Variants in SFRP1 observed in about 807,000 individuals in gnomAD.
SFRP1 encodes the protein secreted frizzled related protein 1.
A neutral mutation model predicts 25.9 loss-of-function variants in SFRP1; 9 were observed. The observed-to-expected ratio is 0.35, with a 90% CI of 0.21 to 0.61. SFRP1 has a LOEUF of 0.61. Ranked by LOEUF, SFRP1 falls within the 20% of genes least tolerant of loss-of-function variation. The pLI is 0.78. For missense variants in SFRP1, 346 were observed against 418.2 expected (o/e 0.83, Z 1.51); for synonymous variants, 178 against 174.0 (o/e 1.02, Z -0.18).
chr8:41,289,977 T>C (rs1210667617), intron 2 of SFRP1, among the ~76,000 whole-genome samples: 1 of 152,152 alleles, frequency 6.6e-6, no homozygotes, highest in Non-Finnish European at 1.5e-5. Context: ...CCAGGCCAGC[T>C]GGAAAAGGCA....
chr8:41,280,021 C>T (rs866631410), intron 2 of SFRP1, among the ~76,000 whole-genome samples: 1 of 152,216 alleles, frequency 6.6e-6, no homozygotes, highest in African/African-American at 2.4e-5. Flanking sequence ...GACAGAGGGG[C>T]CCTGGTGGCC....
In SFRP1 at chr8:41,295,071, C is replaced by T. The variant is rs564373257; in HGVS notation, c.622+8390G>A. Among the ~76,000 whole-genome samples, 5 of 152,242 alleles carry T rather than the reference C, an allele frequency of 3.3e-5. No individual in the cohort carries two copies. The East Asian group carries it at 9.6e-4, about 29-fold the overall frequency. ...GTCTCCCTGAAAAAACCACTATCAA[C>T]AATCACTACAGGCCAGTGCAGTGGC... On this transcript the variant is annotated intron_variant, in intron 2 of 2. Transcript: ENST00000220772.
intron 2 of SFRP1, among the ~76,000 whole-genome samples, chr8:41,290,967 C>T (rs531289489): frequency 8.3e-6 from 1 of 120,586 alleles, no homozygotes; most frequent in East Asian, 2.8e-4. Context: ...AATGCAGTGG[C>T]GCGATCTCGG....
At chr8:41,300,862 C>A (rs1198473568) in intron 2 of SFRP1, among the ~76,000 whole-genome samples, 1 of 152,198 alleles carries the variant, frequency 6.6e-6, no homozygotes, top group Admixed American at 6.5e-5. Flanking sequence ...GTCTTGGCTC[C>A]CACATCTGGT....
At chr8:41,303,378 T>A in intron 2 of SFRP1, 83 bp downstream of exon 2, 1 of 978,656 alleles carries the variant, frequency 1.0e-6, no homozygotes, top group Non-Finnish European at 1.6e-6. Flanking sequence ...TGCAACGAGA[T>A]ACATCAGCAG....
intron 2 of SFRP1, chr8:41,271,006 A>C (rs1048444813): frequency 6.5e-6 from 1 of 154,000 alleles, no homozygotes; most frequent in African/African-American, 2.4e-5. Flanking sequence ...AGAACACTAC[A>C]TTTATATGCC....
Position 41,308,629 on chromosome 8 carries a change from G to A in SFRP1, c.531C>T (p.Ala177=), listed in dbSNP as rs1392579676. The A allele has an allele frequency of 6.2e-7, 1 of 1,600,204 alleles. No homozygotes were observed. The highest frequency in any genetic ancestry group is 1.7e-5 in the Admixed American group (1 of 59,320). Residue 177 remains alanine, a synonymous_variant, in exon 1 of 3, where the codon GCC becomes GCT. Coordinates refer to ENST00000220772, the MANE Select transcript of SFRP1 (RefSeq NM_003012.5). Reference sequence around the variant, plus strand: ...AGGCAGCCTTACCTTGGGGCTTGGAGGCTTCGGTGGCATTGGGCGGCGTCA... The same window carrying A: ...AGGCAGCCTTACCTTGGGGCTTGGAAGCTTCGGTGGCATTGGGCGGCGTCA... ...IAMTPPNATE[A]SKPQGTTVCP...
intron 2 of SFRP1, among the ~76,000 whole-genome samples, chr8:41,278,884 T>C (rs916093163): frequency 6.6e-6 from 1 of 152,078 alleles, no homozygotes; most frequent in African/African-American, 2.4e-5. Flanking sequence ...ATCGCAGCAG[T>C]TGCACCTCAC....
At chr8:41,271,964 C>CA (rs973560880) in intron 2 of SFRP1, among the ~76,000 whole-genome samples, 6 of 151,260 alleles carry the variant, frequency 4.0e-5, no homozygotes, top group East Asian at 1.9e-4. Context: ...GACCCTGCCT[C>CA]AAAAAAAATT....
intron 2 of SFRP1, among the ~76,000 whole-genome samples, chr8:41,276,370 C>T (rs1803572387): frequency 6.6e-6 from 1 of 152,200 alleles, no homozygotes. Context: ...AACCTCCTTC[C>T]AACACTCAGC....
intron 1 of SFRP1, among the ~76,000 whole-genome samples, chr8:41,304,159 A>C (rs1803963752): frequency 6.6e-6 from 1 of 152,004 alleles, no homozygotes; most frequent in Non-Finnish European, 1.5e-5. Flanking sequence ...GCTGGATAGG[A>C]AGGGGTCCTT....
At chr8:41,306,836 T>G (rs1804004546) in intron 1 of SFRP1, 1 of 1,597,996 alleles carries the variant, frequency 6.3e-7, no homozygotes. Context: ...AAGACAGCGA[T>G]TATGGGGTTT....
intron 2 of SFRP1, among the ~76,000 whole-genome samples, chr8:41,277,922 T>A (rs1488165933): frequency 6.6e-6 from 1 of 152,186 alleles, no homozygotes. Context: ...GAAATGTGCA[T>A]TTCTAACAAG....
At chr8:41,302,638 G>A (rs1299462439) in intron 2 of SFRP1, among the ~76,000 whole-genome samples, 1 of 152,222 alleles carries the variant, frequency 6.6e-6, no homozygotes, top group African/African-American at 2.4e-5. Context: ...AGAGGCGAGA[G>A]AGAGGGAGCT....
At chr8:41,280,944 CAG>C (rs1420047336) in intron 2 of SFRP1, among the ~76,000 whole-genome samples, 1 of 152,214 alleles carries the variant, frequency 6.6e-6, no homozygotes, top group Non-Finnish European at 1.5e-5. Context: ...CCACAACAGA[CAG>C]ATTCTTTTAA....
intron 2 of SFRP1, among the ~76,000 whole-genome samples, chr8:41,296,930 C>T (rs1346206852): frequency 6.6e-6 from 1 of 152,218 alleles, no homozygotes; most frequent in Non-Finnish European, 1.5e-5. Flanking sequence ...TGTCATCTCA[C>T]TAAAACCCAG....
intron 2 of SFRP1, among the ~76,000 whole-genome samples, chr8:41,287,906 G>A (rs963023548): frequency 6.6e-6 from 1 of 152,184 alleles, no homozygotes; most frequent in African/African-American, 2.4e-5. Flanking sequence ...GAGAGCAACT[G>A]GGACTGGCCG....
chr8:41,282,939 C>T (rs183659442), intron 2 of SFRP1, among the ~76,000 whole-genome samples: 33 of 152,252 alleles, frequency 2.2e-4, no homozygotes, highest in African/African-American at 7.9e-4. Context: ...AATTTTGATT[C>T]ATTTCCCTAT....
At chr8:41,285,111 G>A (rs1039963157) in intron 2 of SFRP1, among the ~76,000 whole-genome samples, 5 of 152,222 alleles carry the variant, frequency 3.3e-5, no homozygotes, top group African/African-American at 1.2e-4. Context: ...GCACATGAGT[G>A]TTTAACAAAC....
Sources: allele counts gnomAD v4.1 joint callset (sites outside exome capture counted in the v4.1 genomes callset), GRCh38; gene constraint gnomAD v4.1.1; transcripts MANE v1.5; gene names NCBI Gene and HGNC (gene_info 2026-07-23, HGNC 2026-07-21).